Variants in SYT13 observed in about 807,000 individuals in gnomAD.
SYT13 encodes synaptotagmin 13.
Under a neutral mutation model 38.6 loss-of-function variants are expected in SYT13, and 21 were observed. The observed-to-expected ratio is 0.54, with a 90% CI of 0.39 to 0.78. The LOEUF is 0.78. Among genes scored for constraint, SYT13 ranks in the 30% least tolerant of loss-of-function variants. The pLI is 0.00. For synonymous variants in SYT13, 241 were observed against 237.6 expected, an observed-to-expected ratio of 1.01 and a Z score of -0.13; for missense variants, 495 against 548.7, an observed-to-expected ratio of 0.90 and a Z score of 0.98.
chr11:45,252,792 T>C lies in SYT13; in HGVS notation c.545-70A>G, dbSNP rs1590511854. 1.4e-6 allele frequency: 2 copies of C among 1,478,198 alleles called. No individual in the cohort carries two copies. Among genetic ancestry groups the C allele is most frequent in the East Asian group, 4.6e-5 (2 of 43,162 alleles). The allele number at this position is 1,478,198 out of a possible 1,614,324, so 91.6% of individuals were successfully genotyped here. A position where few individuals can be genotyped will look rare whatever the true frequency, so the allele number is the denominator to read the frequency against. ...AAGTGGAGGGGGCAGAAGCACGCCT[T>C]GCTTAGGGCTGTGGAATCCAGCTTA... On this transcript the variant is annotated intron_variant, in intron 3 of 5. Transcript: ENST00000020926. The surrounding 1 kb of genome is among the most constrained non-coding windows in gnomAD (Gnocchi z 4.3).
chr11:45,258,445 G>A (rs1304729692), intron 1 of SYT13: 2 of 152,176 alleles, frequency 1.3e-5, no homozygotes, highest in Non-Finnish European at 2.9e-5. Flanking sequence ...CACCTTAAGT[G>A]ACAAGTGATT....
At chr11:45,269,326 A>T in intron 1 of SYT13, 1 of 726,882 alleles carries the variant, frequency 1.4e-6, no homozygotes, top group Non-Finnish European at 1.8e-6. Flanking sequence ...TTATTAAAAA[A>T]ACAAACAAAA....
At chr11:45,283,255 C>G (rs1393663279) in intron 1 of SYT13, among the ~76,000 whole-genome samples, 1 of 152,190 alleles carries the variant, frequency 6.6e-6, no homozygotes, top group Non-Finnish European at 1.5e-5. Flanking sequence ...CTAGGAATAG[C>G]CTCCAAACCC....
rs186784347 is a variant in SYT13 at position 45,271,065 on chromosome 11, G to C, written c.183+14960C>G. ...GTAGAGATGAGATATTCCATAAAGGGGAGATACTAGGTGCTTATGCTACAA... is the reference window on the plus strand; with the variant it reads ...GTAGAGATGAGATATTCCATAAAGGCGAGATACTAGGTGCTTATGCTACAA... On this transcript the variant is annotated intron_variant, in intron 1 of 5. Coordinates refer to ENST00000020926, the MANE Select transcript of SYT13 (RefSeq NM_020826.3). Among the ~76,000 whole-genome samples the C allele has an allele frequency of 2.0e-5, 3 of 152,206 alleles. No homozygotes were observed. In the East Asian group the frequency reaches 5.8e-4, roughly 29 times the overall value.
chr11:45,266,668 C>T (rs1353829234), intron 1 of SYT13, among the ~76,000 whole-genome samples: 1 of 152,202 alleles, frequency 6.6e-6, no homozygotes, highest in Admixed American at 6.5e-5. Context: ...TGGGAACAGC[C>T]TCGCTATCCT....
chr11:45,246,630 C>G, intron 4 of SYT13, 118 bp from the exon 5 acceptor site: 2 of 1,420,522 alleles, frequency 1.4e-6, no homozygotes, highest in Non-Finnish European at 1.9e-6. Flanking sequence ...TCCTTGAAAC[C>G]ATTTACCCGT....
intron 5 of SYT13, among the ~76,000 whole-genome samples, chr11:45,244,673 C>G (rs1854593637): frequency 6.6e-6 from 1 of 152,160 alleles, no homozygotes; most frequent in African/African-American, 2.4e-5. Flanking sequence ...ATTCTCCACT[C>G]CCCCACTAGG....
chr11:45,258,933 CT>C (rs943133516), intron 1 of SYT13, among the ~76,000 whole-genome samples: 84 of 152,324 alleles, frequency 5.5e-4, no homozygotes, highest in African/African-American at 2.0e-3. Flanking sequence ...CTTCATCCTA[CT>C]GTTTCACAAT....
intron 1 of SYT13, among the ~76,000 whole-genome samples, chr11:45,283,975 C>T (rs551831462): frequency 2.5e-4 from 38 of 152,306 alleles, no homozygotes; most frequent in African/African-American, 8.9e-4. Flanking sequence ...GAGAGAATAA[C>T]AGGAAGAGGG....
chr11:45,255,899 C>A lies in SYT13; in HGVS notation c.184-8G>T. ...GGACTTTTTAACATTGAACTGCAAACACAAATTACTCTGATTAGTCCACAA... is the reference window on the plus strand; with the variant it reads ...GGACTTTTTAACATTGAACTGCAAAAACAAATTACTCTGATTAGTCCACAA... On this transcript the variant is annotated splice_polypyrimidine_tract_variant and splice_region_variant and intron_variant, in intron 1 of 5. Coordinates refer to ENST00000020926, the MANE Select transcript of SYT13 (RefSeq NM_020826.3). 1 of 1,613,896 alleles carries A rather than the reference C, an allele frequency of 6.2e-7. No individual in the cohort carries two copies. The highest frequency in any genetic ancestry group is 1.7e-4 in the Middle Eastern group (1 of 6,056).
At chr11:45,262,343 A>G (rs1055644471) in intron 1 of SYT13, among the ~76,000 whole-genome samples, 7 of 152,310 alleles carry the variant, frequency 4.6e-5, no homozygotes, top group Non-Finnish European at 8.8e-5. Context: ...TTATTATTCA[A>G]TGGGTATAGA....
Position 45,242,453 on chromosome 11 carries a change from C to T in SYT13, c.*1599G>A, listed in dbSNP as rs980270885. ...GCATGTTGGTGGGCACCTGTAATCCCAGCTACCCAGGAGGCTGAGAGAGGA... is the reference window on the plus strand; with the variant it reads ...GCATGTTGGTGGGCACCTGTAATCCTAGCTACCCAGGAGGCTGAGAGAGGA... On this transcript the variant is annotated 3_prime_UTR_variant, in exon 6 of 6. Coordinates refer to ENST00000020926, the MANE Select transcript of SYT13 (RefSeq NM_020826.3). 2.0e-5 allele frequency: 3 copies of T among 152,144 alleles called. No individual in the cohort carries two copies. The highest frequency in any genetic ancestry group is 7.2e-5 in the African/African-American group (3 of 41,412). The allele number at this position is 152,144 out of a possible 1,614,324, so 9.4% of individuals were successfully genotyped here. A position where few individuals can be genotyped will look rare whatever the true frequency, so the allele number is the denominator to read the frequency against.
chr11:45,255,941 G>C (rs1565381786), intron 1 of SYT13, 50 bp from the exon 2 acceptor site: 18 of 1,586,762 alleles, frequency 1.1e-5, no homozygotes, highest in Non-Finnish European at 1.6e-5. Flanking sequence ...CCTCTTGTCT[G>C]TTTCCCCCCA....
At position 45,252,491 on chromosome 11, in the gene SYT13, C is replaced by A. The variant is rs565058937; in HGVS notation, c.776G>T (p.Arg259Leu). The change falls in exon 4 of 6, where the codon CGC becomes CTC. Residue 259 changes from arginine to leucine, a missense_variant. Coordinates refer to ENST00000020926, the MANE Select transcript of SYT13 (RefSeq NM_020826.3). This position sits in a 1 kb window ranked among gnomAD's most constrained non-coding sequence, Gnocchi z 4.3. ...FSRHSVAGEL[R>L]LGLDGTSVPL... ...CACAGATGTCCCGTCCAGGCCCAGG[C>A]GGAGCTCCCCGGCCACGCTGTGACG... is the stretch of plus-strand genomic sequence containing the variant. The A allele has an allele frequency of 1.2e-6, 2 of 1,613,472 alleles. No homozygotes were observed. The highest frequency in any genetic ancestry group is 1.7e-6 in the Non-Finnish European group (2 of 1,179,750).
At chr11:45,260,294 C>G (rs969481134) in intron 1 of SYT13, among the ~76,000 whole-genome samples, 4 of 152,234 alleles carry the variant, frequency 2.6e-5, no homozygotes, top group African/African-American at 9.6e-5. Flanking sequence ...AAAGCAGCAG[C>G]TGATTACCTA....
At chr11:45,274,312 GT>G (rs1324016072) in intron 1 of SYT13, among the ~76,000 whole-genome samples, 1 of 152,178 alleles carries the variant, frequency 6.6e-6, no homozygotes. Flanking sequence ...GTCTCTATGT[GT>G]TTTGTATGGA....
chr11:45,275,836 G>A (rs1350411786), intron 1 of SYT13, among the ~76,000 whole-genome samples: 1 of 152,118 alleles, frequency 6.6e-6, no homozygotes, highest in African/African-American at 2.4e-5. Flanking sequence ...ACCCATGAGG[G>A]GCTAAAGCTT....
At chr11:45,281,029 T>C (rs1041326709) in intron 1 of SYT13, among the ~76,000 whole-genome samples, 5 of 151,998 alleles carry the variant, frequency 3.3e-5, no homozygotes, top group African/African-American at 7.2e-5. Context: ...ACCCCATCTC[T>C]ACTAAAAATA....
intron 4 of SYT13, among the ~76,000 whole-genome samples, chr11:45,250,864 G>T (rs189336021): frequency 1.4e-4 from 22 of 152,278 alleles, no homozygotes; most frequent in Non-Finnish European, 2.8e-4. Flanking sequence ...TATTTGTCAG[G>T]TGGCTTTCAT....
Sources: gnomAD v4.1 joint callset for allele counts (sites outside exome capture counted in the v4.1 genomes callset) on GRCh38, gnomAD v4.1.1 for gene constraint, Gnocchi (gnomAD v3.1) non-coding constraint, MANE v1.5 for transcripts, NCBI Gene and HGNC (gene_info 2026-07-23, HGNC 2026-07-21) for gene names.